Variants in MSRA observed in about 807,000 individuals in gnomAD.
The protein encoded by MSRA is methionine sulfoxide reductase A.
Under a neutral mutation model 31.3 loss-of-function variants are expected in MSRA, and 54 were observed. The observed-to-expected ratio is 1.73, with a 90% CI of 1.39 to 2.17. The LOEUF (loss-of-function observed/expected upper bound fraction) is 2.17, where lower values mean the gene tolerates loss of function less well. MSRA is among the 30% of genes most tolerant of loss of function. MSRA has a pLI of 0.00. For missense variants in MSRA, 507 were observed against 300.9 expected (o/e 1.69, Z -5.07); for synonymous variants, 169 against 116.5 (o/e 1.45, Z -2.90).
At chr8:10,127,854 G>T (rs895812512) in intron 1 of MSRA, among the ~76,000 whole-genome samples, 1 of 152,058 alleles carries the variant, frequency 6.6e-6, no homozygotes, top group Admixed American at 6.6e-5. Flanking sequence ...GAAACTTCAA[G>T]TATTTTTTTT....
At chr8:10,233,066 A>G (rs965193838) in intron 2 of MSRA, among the ~76,000 whole-genome samples, 12 of 152,254 alleles carry the variant, frequency 7.9e-5, no homozygotes, top group African/African-American at 2.9e-4. Flanking sequence ...GCCAGTTTTC[A>G]GACCACTGTC....
At chr8:10,327,864 C>T (rs1167106284) in intron 5 of MSRA, among the ~76,000 whole-genome samples, 3 of 151,890 alleles carry the variant, frequency 2.0e-5, no homozygotes, top group Non-Finnish European at 4.4e-5. Context: ...ACCTGGGAGG[C>T]GGAGCTTGCA....
chr8:10,268,750 G>T (rs1286027874), intron 3 of MSRA, among the ~76,000 whole-genome samples: 1 of 152,176 alleles, frequency 6.6e-6, no homozygotes, highest in Non-Finnish European at 1.5e-5. Flanking sequence ...TTTTGAGCAG[G>T]GCTACAGTCT....
intron 3 of MSRA, among the ~76,000 whole-genome samples, chr8:10,266,003 A>G (rs932064504): frequency 2.0e-5 from 3 of 152,198 alleles, no homozygotes; most frequent in African/African-American, 4.8e-5. Flanking sequence ...GCTGATGAAC[A>G]GTCAGGTTGT....
chr8:10,113,781 A>T (rs988260703), intron 1 of MSRA, among the ~76,000 whole-genome samples: 6 of 151,822 alleles, frequency 4.0e-5, no homozygotes, highest in African/African-American at 1.5e-4. Flanking sequence ...TTTTTTTAAA[A>T]AAAAGATTAT....
chr8:10,150,880 G>A lies in MSRA; in HGVS notation c.143-56953G>A, dbSNP rs186523400. Reference sequence around the variant, plus strand: ...TGCTCTTGAACCTGTGGAGTGGGAAGCAAGACAGGGATCTCTCATTTTATA... The same window carrying A: ...TGCTCTTGAACCTGTGGAGTGGGAAACAAGACAGGGATCTCTCATTTTATA... On this transcript the variant is annotated intron_variant, in intron 1 of 5. Transcript: ENST00000317173. Among the ~76,000 whole-genome samples the A allele has an allele frequency of 1.3e-3, 194 of 152,280 alleles. 1 individual carries two copies. Among genetic ancestry groups the A allele is most frequent in the Non-Finnish European group, 1.9e-3 (130 of 68,020 alleles).
At chr8:10,157,877 C>T (rs1241671545) in intron 1 of MSRA, among the ~76,000 whole-genome samples, 4 of 152,092 alleles carry the variant, frequency 2.6e-5, no homozygotes, top group Non-Finnish European at 4.4e-5. Flanking sequence ...ATATAACTCA[C>T]ATACCGTACA....
chr8:10,271,040 T>C (rs1799007562), intron 3 of MSRA, among the ~76,000 whole-genome samples: 1 of 151,824 alleles, frequency 6.6e-6, no homozygotes, highest in African/African-American at 2.4e-5. Context: ...TAAATAACTT[T>C]AAGCTCATGT....
chr8:10,364,822 GGGAAATCCCC>G (rs1332248672), intron 5 of MSRA, among the ~76,000 whole-genome samples: 1 of 152,024 alleles, frequency 6.6e-6, no homozygotes, highest in African/African-American at 2.4e-5. Context: ...ACTTTGTTTT[GGGAAATCCCC>G]GGATGTAGAA....
intron 1 of MSRA, among the ~76,000 whole-genome samples, chr8:10,066,180 T>A (rs1338269125): frequency 6.6e-6 from 1 of 151,838 alleles, no homozygotes. Context: ...CCCAGCAGGG[T>A]TTCCCCATGT....
chr8:10,106,554 G>T (rs961042935), intron 1 of MSRA, among the ~76,000 whole-genome samples: 3 of 152,192 alleles, frequency 2.0e-5, no homozygotes, highest in African/African-American at 7.2e-5. Flanking sequence ...CTGTGAGAGA[G>T]ACTGGCAGAC....
intron 1 of MSRA, among the ~76,000 whole-genome samples, chr8:10,101,671 G>T (rs1289710962): frequency 6.6e-6 from 1 of 152,136 alleles, no homozygotes; most frequent in Non-Finnish European, 1.5e-5. Flanking sequence ...CTTTCACTTA[G>T]CATAATGTCC....
intron 1 of MSRA, among the ~76,000 whole-genome samples, chr8:10,120,208 C>G (rs368525222): frequency 7.0e-4 from 106 of 152,304 alleles, no homozygotes; most frequent in African/African-American, 2.4e-3. Flanking sequence ...AGAGACTGTC[C>G]TGCAGAAAGA....
At chr8:10,423,707 A>G (rs1314504728) in intron 5 of MSRA, among the ~76,000 whole-genome samples, 1 of 152,188 alleles carries the variant, frequency 6.6e-6, no homozygotes, top group East Asian at 1.9e-4. Context: ...CACCATCTAA[A>G]GACTGAACCT....
chr8:10,274,971 T>C (rs1233977087), intron 3 of MSRA, among the ~76,000 whole-genome samples: 3 of 152,186 alleles, frequency 2.0e-5, no homozygotes, highest in African/African-American at 4.8e-5. Context: ...TAAACTAATA[T>C]TATTTGGAAC....
At chr8:10,222,340 A>G (rs1434080415) in intron 2 of MSRA, among the ~76,000 whole-genome samples, 2 of 152,208 alleles carry the variant, frequency 1.3e-5, no homozygotes, top group East Asian at 1.9e-4. Flanking sequence ...TAAATGACAC[A>G]TTAGCTTGGC....
intron 4 of MSRA, among the ~76,000 whole-genome samples, chr8:10,309,343 C>G (rs1236411562): frequency 1.3e-5 from 2 of 152,254 alleles, no homozygotes; most frequent in African/African-American, 4.8e-5. Context: ...AGCGTGGCGC[C>G]TGGTGCGGAA....
chr8:10,357,438 T>G (rs1202740418), intron 5 of MSRA, among the ~76,000 whole-genome samples: 2 of 152,240 alleles, frequency 1.3e-5, no homozygotes, highest in African/African-American at 4.8e-5. Flanking sequence ...AATAATATTA[T>G]GAACTCATGG....
chr8:10,078,360 G>C (rs1213358541), intron 1 of MSRA, among the ~76,000 whole-genome samples: 1 of 152,224 alleles, frequency 6.6e-6, no homozygotes, highest in Non-Finnish European at 1.5e-5. Flanking sequence ...TTGGGTGTAT[G>C]TTCACATTCA....
Sources: gnomAD v4.1 joint callset for allele counts (sites outside exome capture counted in the v4.1 genomes callset) on GRCh38, gnomAD v4.1.1 for gene constraint, MANE v1.5 for transcripts, NCBI Gene and HGNC (gene_info 2026-07-23, HGNC 2026-07-21) for gene names.